SCFD1: variants seen among roughly 807,000 people sequenced by gnomAD.
The protein encoded by SCFD1 is sec1 family domain containing 1, also known as sec1 family domain-containing protein 1.
A neutral mutation model predicts 103.2 loss-of-function variants in SCFD1; 37 were observed. The observed-to-expected ratio is 0.36, with a 90% CI of 0.28 to 0.47. SCFD1 has a LOEUF of 0.47. Ranked by LOEUF, SCFD1 falls within the 20% of genes least tolerant of loss-of-function variation. The pLI is 1.00. For missense variants in SCFD1, 639 were observed against 761.2 expected (o/e 0.84, Z 1.89); for synonymous variants, 264 against 245.0 (o/e 1.08, Z -0.73).
chr14:30,672,629 A>G (rs1385130470), intron 11 of SCFD1, among the ~76,000 whole-genome samples: 1 of 152,198 alleles, frequency 6.6e-6, no homozygotes, highest in African/African-American at 2.4e-5. Context: ...AGTGTTTTCT[A>G]CCTGAGTGCT....
At chr14:30,642,843 G>A (rs1051507634) in intron 6 of SCFD1, among the ~76,000 whole-genome samples, 1 of 152,082 alleles carries the variant, frequency 6.6e-6, no homozygotes, top group African/African-American at 2.4e-5. Context: ...CTTTGAGGTG[G>A]TATAATTTTT....
At chr14:30,672,870 G>C (rs773421843) in intron 11 of SCFD1, among the ~76,000 whole-genome samples, 1 of 152,138 alleles carries the variant, frequency 6.6e-6, no homozygotes, top group African/African-American at 2.4e-5. Flanking sequence ...TTGACATGAC[G>C]TGTTAATTTG....
In SCFD1 at chr14:30,639,817, A is replaced by G; in HGVS notation, c.476A>G (p.Asp159Gly). The G allele has an allele frequency of 6.3e-7, 1 of 1,580,216 alleles. No homozygotes were observed. The highest frequency in any genetic ancestry group is 8.6e-7 in the Non-Finnish European group (1 of 1,163,694). ...CTCAATTTTATTACTTTGGAAGATG[A>G]TATGTTTGTATTATGTAATCAAAAT... is the stretch of plus-strand genomic sequence containing the variant. ...QYLNFITLEDDMFVLCNQNKE... is the reference protein window; with the variant it reads ...QYLNFITLEDGMFVLCNQNKE... Residue 159 changes from aspartate (D) to glycine (G), a missense_variant, in exon 6 of 25, where the codon GAT becomes GGT. Coordinates refer to ENST00000458591, the MANE Select transcript of SCFD1 (RefSeq NM_016106.4).
chr14:30,720,545 G>C (rs915759945), intron 21 of SCFD1, among the ~76,000 whole-genome samples: 2 of 152,052 alleles, frequency 1.3e-5, no homozygotes, highest in African/African-American at 4.8e-5. Context: ...CAACCAATCA[G>C]GGTTCGAAAA....
At chr14:30,635,426 C>A (rs919805792) in intron 4 of SCFD1, among the ~76,000 whole-genome samples, 1 of 152,100 alleles carries the variant, frequency 6.6e-6, no homozygotes, top group African/African-American at 2.4e-5. Context: ...CTCAACCCTC[C>A]CCCATCCTCT....
intron 1 of SCFD1, among the ~76,000 whole-genome samples, chr14:30,625,722 T>TATAGGTATATCA (rs1883363008): frequency 2.2e-5 from 1 of 45,052 alleles, no homozygotes; most frequent in Non-Finnish European, 3.3e-5. Flanking sequence ...TATATAGGTA[T>TATAGGTATATCA]ATAGGTATAT....
At chr14:30,677,655 C>T (rs1212040925) in intron 14 of SCFD1, among the ~76,000 whole-genome samples, 1 of 151,616 alleles carries the variant, frequency 6.6e-6, no homozygotes, top group Non-Finnish European at 1.5e-5. Flanking sequence ...CTTAAATTTC[C>T]ATCCTTATAA....
intron 7 of SCFD1, among the ~76,000 whole-genome samples, chr14:30,648,451 T>C (rs1886066086): frequency 6.6e-6 from 1 of 152,254 alleles, no homozygotes; most frequent in African/African-American, 2.4e-5. Flanking sequence ...TAATGTGTTT[T>C]CTATTATTTA....
At chr14:30,640,819 C>G (rs1052820447) in intron 6 of SCFD1, among the ~76,000 whole-genome samples, 1 of 151,816 alleles carries the variant, frequency 6.6e-6, no homozygotes, top group Non-Finnish European at 1.5e-5. Flanking sequence ...GCTAAATATT[C>G]GTATACTTAT....
intron 5 of SCFD1, among the ~76,000 whole-genome samples, chr14:30,638,523 T>C (rs1884960304): frequency 6.6e-6 from 1 of 152,202 alleles, no homozygotes; most frequent in African/African-American, 2.4e-5. Flanking sequence ...TGTATAATAT[T>C]TTTAGGTCAA....
intron 19 of SCFD1, 81 bp downstream of exon 19, chr14:30,708,146 C>G (rs527657559): frequency 1.2e-5 from 10 of 867,274 alleles, no homozygotes; most frequent in Non-Finnish European, 1.9e-5. Context: ...AAAGCAACTC[C>G]TGGATTTATT....
chr14:30,729,869 ATTT>A (rs113239037), intron 23 of SCFD1, among the ~76,000 whole-genome samples: 5 of 147,014 alleles, frequency 3.4e-5, no homozygotes, highest in African/African-American at 9.9e-5. Context: ...TACGAAAGGC[ATTT>A]TTTTTTTTTA....
chr14:30,729,151 G>T lies in SCFD1; in HGVS notation c.1837-5639G>T, dbSNP rs191945266. Among the ~76,000 whole-genome samples the T allele has an allele frequency of 2.0e-3, 302 of 152,184 alleles. 1 individual carries two copies. The highest frequency in any genetic ancestry group is 7.0e-3 in the African/African-American group (291 of 41,506). ...TTTATGTAATATTGATACAAATCCC[G>T]TATCAGATACATGATTTCCAGATTT... On this transcript the variant is annotated intron_variant, in intron 23 of 24. Coordinates refer to ENST00000458591, the MANE Select transcript of SCFD1 (RefSeq NM_016106.4).
chr14:30,705,795 T>C (rs1891428240), intron 17 of SCFD1, 28 bp from the exon 18 acceptor site: 3 of 1,598,256 alleles, frequency 1.9e-6, no homozygotes, highest in Non-Finnish European at 2.6e-6. Context: ...AATAATTAGC[T>C]TTTAAGTACA....
chr14:30,670,676 G>A (rs11621293), intron 11 of SCFD1, among the ~76,000 whole-genome samples: 3 of 151,918 alleles, frequency 2.0e-5, no homozygotes, highest in Non-Finnish European at 4.4e-5. Flanking sequence ...TGTCTCCACT[G>A]ACTCTATAAG....
At chr14:30,667,752 T>G (rs1368924536) in intron 10 of SCFD1, among the ~76,000 whole-genome samples, 1 of 152,178 alleles carries the variant, frequency 6.6e-6, no homozygotes, top group Non-Finnish European at 1.5e-5. Flanking sequence ...AGCATTCTTA[T>G]ACGCAAATAA....
chr14:30,666,977 C>T (rs1888035137), intron 10 of SCFD1, among the ~76,000 whole-genome samples: 1 of 152,070 alleles, frequency 6.6e-6, no homozygotes, highest in Non-Finnish European at 1.5e-5. Context: ...ACCAGAGATA[C>T]AAAGAGAAGC....
intron 21 of SCFD1, 93 bp downstream of exon 21, chr14:30,719,470 C>T (rs1414510344): frequency 3.6e-6 from 3 of 833,848 alleles, no homozygotes; most frequent in East Asian, 5.2e-5. Context: ...ATTAAAAATC[C>T]AAACTATATG....
intron 21 of SCFD1, among the ~76,000 whole-genome samples, chr14:30,720,337 T>C (rs1418782557): frequency 6.6e-6 from 1 of 152,174 alleles, no homozygotes; most frequent in Non-Finnish European, 1.5e-5. Context: ...GATAAAAATG[T>C]TCTGAAATTA....
Sources: allele counts gnomAD v4.1 joint callset (sites outside exome capture counted in the v4.1 genomes callset), GRCh38; gene constraint gnomAD v4.1.1; transcripts MANE v1.5; gene names NCBI Gene and HGNC (gene_info 2026-07-23, HGNC 2026-07-21).